SDK1: variants seen among roughly 807,000 people sequenced by gnomAD.
The protein encoded by SDK1 is protein sidekick-1.
Under a neutral mutation model 245.5 loss-of-function variants are expected in SDK1, and 157 were observed. The ratio of observed to expected loss-of-function variants is 0.64; its 90% CI spans 0.56 to 0.73. The LOEUF is 0.73. Ranked by LOEUF, SDK1 falls within the 30% of genes least tolerant of loss-of-function variation. The pLI is 0.00. For synonymous variants in SDK1, 1,647 were observed against 1,278.5 expected, an observed-to-expected ratio of 1.29 and a Z score of -6.15; for missense variants, 3,583 against 3,002.3, an observed-to-expected ratio of 1.19 and a Z score of -4.52.
chr7:3,306,089 A>G (rs78551554), intron 1 of SDK1, among the ~76,000 whole-genome samples: 2,417 of 152,282 alleles, frequency 0.016, 58 homozygotes, highest in African/African-American at 0.049. Flanking sequence ...GGAGAGGGAA[A>G]AATGGGCAGC....
intron 2 of SDK1, among the ~76,000 whole-genome samples, chr7:3,630,966 C>T (rs1338805049): frequency 6.6e-6 from 1 of 151,934 alleles, no homozygotes; most frequent in Non-Finnish European, 1.5e-5. Flanking sequence ...GACAGGGTGT[C>T]ACTTTGTTGC....
chr7:3,483,304 G>T (rs921763401), intron 1 of SDK1, among the ~76,000 whole-genome samples: 2 of 152,080 alleles, frequency 1.3e-5, no homozygotes, highest in African/African-American at 4.8e-5. Context: ...TCTTCATAAA[G>T]ATCTTGCCAC....
chr7:3,783,118 G>C lies in SDK1; in HGVS notation c.714-38332G>C, dbSNP rs75429073. On this transcript the variant is annotated intron_variant, in intron 4 of 44. Transcript: ENST00000404826. The stretch of plus-strand genomic sequence containing the variant: ...CACATTAATGGAATGAAGGACAAAA[G>C]CCATGTGCTCATTTTGTTAGATGCC... Among the ~76,000 whole-genome samples the C allele has an allele frequency of 5.8e-3, 880 of 152,284 alleles. 7 individuals are homozygous for C. Among genetic ancestry groups the C allele is most frequent in the African/African-American group, 0.02 (824 of 41,556 alleles).
chr7:4,041,060 T>A (rs1238818804), intron 17 of SDK1, among the ~76,000 whole-genome samples: 2 of 152,204 alleles, frequency 1.3e-5, no homozygotes, highest in African/African-American at 4.8e-5. Context: ...CTAAATAATT[T>A]CTTTCTAGCT....
chr7:3,461,363 C>T (rs1780826505), intron 1 of SDK1, among the ~76,000 whole-genome samples: 3 of 152,062 alleles, frequency 2.0e-5, no homozygotes, highest in Non-Finnish European at 2.9e-5. Context: ...TACTTCAAAC[C>T]GTAACTCTGA....
chr7:3,769,342 G>T (rs1562430001), intron 4 of SDK1, among the ~76,000 whole-genome samples: 1 of 152,168 alleles, frequency 6.6e-6, no homozygotes, highest in Non-Finnish European at 1.5e-5. Flanking sequence ...GAGTCCTGAG[G>T]TGTAGTACAG....
intron 5 of SDK1, among the ~76,000 whole-genome samples, chr7:3,892,017 A>G (rs972594725): frequency 6.6e-6 from 1 of 152,156 alleles, no homozygotes; most frequent in Non-Finnish European, 1.5e-5. Flanking sequence ...CCAATTTTCT[A>G]AGTTATCATA....
intron 35 of SDK1, among the ~76,000 whole-genome samples, chr7:4,194,554 CGAG>C (rs1562416589): frequency 6.6e-6 from 1 of 151,910 alleles, no homozygotes; most frequent in Non-Finnish European, 1.5e-5. Context: ...TCTGCAAGCT[CGAG>C]GAGCAAGCAA....
intron 25 of SDK1, among the ~76,000 whole-genome samples, chr7:4,120,164 A>G (rs2128194003): frequency 6.7e-6 from 1 of 149,182 alleles, no homozygotes; most frequent in African/African-American, 2.4e-5. Context: ...GATCTACCAC[A>G]TAGCTAATAG....
chr7:3,582,049 C>T (rs955155214), intron 1 of SDK1, among the ~76,000 whole-genome samples: 5 of 142,590 alleles, frequency 3.5e-5, no homozygotes, highest in Admixed American at 7.0e-5. Flanking sequence ...GGTAGGTCTC[C>T]CTCAGGTAGG....
At chr7:3,992,549 G>A (rs1427957182) in intron 14 of SDK1, among the ~76,000 whole-genome samples, 1 of 152,176 alleles carries the variant, frequency 6.6e-6, no homozygotes, top group Non-Finnish European at 1.5e-5. Flanking sequence ...GCTTGACAGT[G>A]GGGACCCTGT....
At chr7:3,512,396 C>A (rs1114778) in intron 1 of SDK1, among the ~76,000 whole-genome samples, 1 of 151,924 alleles carries the variant, frequency 6.6e-6, no homozygotes, top group African/African-American at 2.4e-5. Flanking sequence ...TCCAAGTTTT[C>A]GCAATTATGA....
chr7:3,514,415 A>G (rs1782673600), intron 1 of SDK1, among the ~76,000 whole-genome samples: 1 of 152,198 alleles, frequency 6.6e-6, no homozygotes, highest in African/African-American at 2.4e-5. Flanking sequence ...ACTGTTTTTG[A>G]TAGAAAATCC....
intron 1 of SDK1, among the ~76,000 whole-genome samples, chr7:3,337,409 A>G (rs546867784): frequency 6.6e-6 from 1 of 152,272 alleles, no homozygotes; most frequent in Non-Finnish European, 1.5e-5. Flanking sequence ...TGATGATAAA[A>G]GAGATAACAC....
intron 4 of SDK1, among the ~76,000 whole-genome samples, chr7:3,672,621 T>C (rs1783739388): frequency 1.4e-5 from 2 of 140,914 alleles, no homozygotes; most frequent in East Asian, 4.0e-4. Flanking sequence ...TAATATAATA[T>C]ATAATAATAT....
intron 5 of SDK1, among the ~76,000 whole-genome samples, chr7:3,821,970 A>G (rs1374980163): frequency 6.6e-6 from 1 of 152,226 alleles, no homozygotes; most frequent in East Asian, 1.9e-4. Context: ...TAACAGGAAA[A>G]TCTTTGAGAA....
intron 4 of SDK1, among the ~76,000 whole-genome samples, chr7:3,798,542 G>A (rs977969384): frequency 2.6e-5 from 4 of 152,118 alleles, no homozygotes; most frequent in Non-Finnish European, 1.5e-5. Context: ...GATGAGTGCT[G>A]ACCCGTTGCT....
intron 5 of SDK1, among the ~76,000 whole-genome samples, chr7:3,867,501 G>A (rs1780849886): frequency 6.6e-6 from 1 of 152,186 alleles, no homozygotes; most frequent in African/African-American, 2.4e-5. Context: ...CACAATCATG[G>A]TGGAAGGCAA....
chr7:3,769,316 G>C (rs913603361), intron 4 of SDK1, among the ~76,000 whole-genome samples: 1 of 152,120 alleles, frequency 6.6e-6, no homozygotes, highest in Non-Finnish European at 1.5e-5. Flanking sequence ...CCTTTTGTTG[G>C]TGGGGACTCT....
Sources: allele counts gnomAD v4.1 joint callset (sites outside exome capture counted in the v4.1 genomes callset), GRCh38; gene constraint gnomAD v4.1.1; transcripts MANE v1.5; gene names NCBI Gene and HGNC (gene_info 2026-07-23, HGNC 2026-07-21).